Variants in ZKSCAN1 observed in about 807,000 individuals in gnomAD.
ZKSCAN1 encodes zinc finger protein with KRAB and SCAN domains 1.
ZKSCAN1 carries 14 observed loss-of-function variants against 51.6 expected under a neutral mutation model. The observed-to-expected ratio is 0.27, with a 90% CI of 0.18 to 0.42. The LOEUF (loss-of-function observed/expected upper bound fraction) is 0.42, where lower values mean the gene tolerates loss of function less well. Among genes scored for constraint, ZKSCAN1 ranks in the 10% least tolerant of loss-of-function variants. The pLI is 1.00. For synonymous variants in ZKSCAN1, 263 were observed against 261.5 expected (o/e 1.01, Z -0.06); for missense variants, 531 against 710.0 (o/e 0.75, Z 2.86).
At chr7:100,024,500 G>A in intron 3 of ZKSCAN1, 193 bp downstream of exon 3, 1 of 689,372 alleles carries the variant, frequency 1.5e-6, no homozygotes, top group Non-Finnish European at 2.3e-6. Context: ...AGGCTGAGGT[G>A]GGAGGATTGC....
At chr7:100,023,179 T>A (rs1790661431) in intron 1 of ZKSCAN1, among the ~76,000 whole-genome samples, 1 of 152,102 alleles carries the variant, frequency 6.6e-6, no homozygotes, top group Non-Finnish European at 1.5e-5. Context: ...CCCTGCTGAC[T>A]TTTGTATTTT....
rs3835018 is a variant in ZKSCAN1 at position 100,024,897 on chromosome 7, TAAAAAAAAAAAA to T, written c.580+601_580+612del. ...CCTTGGTGACAGAGCGAGACTGTCT[TAAAAAAAAAAAA>T]AAAAAAAAAAGAATTAATTAAAAAT... On this transcript the variant is annotated intron_variant, in intron 3 of 5. Transcript: ENST00000324306. The T allele has an allele frequency of 3.5e-3, 359 of 103,740 alleles. 2 individuals are homozygous for T. Among genetic ancestry groups the T allele is most frequent in the African/African-American group, 0.013 (347 of 27,534 alleles). 6.4% of individuals were successfully genotyped at this position (103,740 alleles called of 1,614,324 possible).
At position 100,036,750 on chromosome 7, in the gene ZKSCAN1, T is replaced by C. The variant is rs939632949; in HGVS notation, c.*2553T>C. The C allele has an allele frequency of 2.7e-5, 27 of 981,836 alleles. No homozygotes were observed. Among genetic ancestry groups the C allele is most frequent in the Non-Finnish European group, 3.3e-5 (27 of 829,120 alleles). 60.8% of individuals were successfully genotyped at this position (981,836 alleles called of 1,614,324 possible). A position where few individuals can be genotyped will look rare whatever the true frequency, so the allele number is the denominator to read the frequency against. ...AAAAAGAAAGAAAGAAACTGAAAAG[T>C]GAGGTGTGGAACTCCAGGCAACGAC... On this transcript the variant is annotated 3_prime_UTR_variant, in exon 6 of 6. Transcript: ENST00000324306.
At chr7:100,027,726 C>T (rs1313273404) in intron 3 of ZKSCAN1, among the ~76,000 whole-genome samples, 1 of 133,518 alleles carries the variant, frequency 7.5e-6, no homozygotes, top group Non-Finnish European at 1.6e-5. Flanking sequence ...CCAGCCTGGG[C>T]AACAGAGGGA....
chr7:100,041,285 C>G lies in ZKSCAN1; in HGVS notation c.*7088C>G. On this transcript the variant is annotated 3_prime_UTR_variant, in exon 6 of 6. Transcript: ENST00000324306. ...TGGATTTTTTCATTTTACTAGGTTC[C>G]GAAGAGTCCAGATGCTTGGTAGATG... 1 of 982,932 alleles carries G rather than the reference C, an allele frequency of 1.0e-6. No individual in the cohort carries two copies. Among genetic ancestry groups the G allele is most frequent in the Non-Finnish European group, 1.2e-6 (1 of 827,846 alleles). The allele number at this position is 982,932 out of a possible 1,614,324, so 60.9% of individuals were successfully genotyped here.
Position 100,036,787 on chromosome 7 carries a change from T to A in ZKSCAN1, c.*2590T>A, listed in dbSNP as rs1458344795. On this transcript the variant is annotated 3_prime_UTR_variant, in exon 6 of 6. Transcript: ENST00000324306. Reference sequence around the variant, plus strand: ...CTCCAGGCAACGACCCAAGCACTTATTTTTTAAGAGGGAAAGGACTTTGGT... The same window carrying A: ...CTCCAGGCAACGACCCAAGCACTTAATTTTTAAGAGGGAAAGGACTTTGGT... The A allele has an allele frequency of 1.0e-6, 1 of 983,780 alleles. No homozygotes were observed. The highest frequency in any genetic ancestry group is 1.8e-5 in the African/African-American group (1 of 56,938). 60.9% of individuals were successfully genotyped at this position (983,780 alleles called of 1,614,324 possible). A position where few individuals can be genotyped will look rare whatever the true frequency, so the allele number is the denominator to read the frequency against.
At chr7:100,043,099 CT>C (rs1198891451), downstream of ZKSCAN1, among the ~76,000 whole-genome samples, 2 of 151,800 alleles carry the variant, frequency 1.3e-5, no homozygotes, top group East Asian at 3.9e-4. Context: ...CGCACCTGGC[CT>C]TTTTTGGGTA....
intron 3 of ZKSCAN1, 79 bp downstream of exon 3, chr7:100,024,386 A>G (rs185674941): frequency 1.9e-6 from 3 of 1,539,336 alleles, no homozygotes; most frequent in South Asian, 2.4e-5. Flanking sequence ...CCTGTGATGA[A>G]GAAGCATGTT....
intron 3 of ZKSCAN1, among the ~76,000 whole-genome samples, chr7:100,026,036 C>T (rs1307567770): frequency 2.6e-5 from 4 of 152,018 alleles, no homozygotes; most frequent in Admixed American, 1.3e-4. Context: ...GCCTGACCAA[C>T]GTGGAGAAAC....
chr7:100,019,890 A>G (rs1378886999), intron 1 of ZKSCAN1, among the ~76,000 whole-genome samples: 3 of 151,958 alleles, frequency 2.0e-5, no homozygotes, highest in Non-Finnish European at 2.9e-5. Flanking sequence ...TTTAGTAGAG[A>G]TGGGGTTTTG....
chr7:100,036,274 C>T lies in ZKSCAN1; in HGVS notation c.*2077C>T. On this transcript the variant is annotated 3_prime_UTR_variant, in exon 6 of 6. Transcript: ENST00000324306. ...CACTAGGATATTTCTACCCATGCAA[C>T]GGAAGAAAAACCCATTACTCCAGAA... The T allele has an allele frequency of 2.6e-5, 26 of 985,302 alleles. No individual in the cohort carries two copies. The highest frequency in any genetic ancestry group is 3.1e-5 in the Non-Finnish European group (26 of 829,924). 61.0% of individuals were successfully genotyped at this position (985,302 alleles called of 1,614,324 possible). A position where few individuals can be genotyped will look rare whatever the true frequency, so the allele number is the denominator to read the frequency against.
rs1212828954 is a variant in ZKSCAN1 at position 100,033,111 on chromosome 7, G to C, written c.800-194G>C. ...CACTTGAACCTGGGAGGCGGAGGTT[G>C]CAGTGAACTGAGATCACGTCACTGC... On this transcript the variant is annotated intron_variant, in intron 5 of 5. Transcript: ENST00000324306. The surrounding 1 kb of genome is among the most constrained non-coding windows in gnomAD (Gnocchi z 4.1). Among the ~76,000 whole-genome samples, 2 of 152,160 alleles carry C rather than the reference G, an allele frequency of 1.3e-5. No individual in the cohort carries two copies. The highest frequency in any genetic ancestry group is 2.9e-5 in the Non-Finnish European group (2 of 68,024).
chr7:100,032,019 C>T (rs930957714), intron 5 of ZKSCAN1, among the ~76,000 whole-genome samples: 1 of 152,188 alleles, frequency 6.6e-6, no homozygotes, highest in African/African-American at 2.4e-5. Context: ...ATCGAGGCTG[C>T]AGTGAGCTGT....
At chr7:100,042,219 T>C (rs1301663432), downstream of ZKSCAN1, among the ~76,000 whole-genome samples, 3 of 150,526 alleles carry the variant, frequency 2.0e-5, no homozygotes, top group Non-Finnish European at 2.9e-5. Context: ...CTCGGGAGGC[T>C]GAGCCAGGAG....
At chr7:100,032,295 G>A (rs1353672162) in intron 5 of ZKSCAN1, among the ~76,000 whole-genome samples, 1 of 152,088 alleles carries the variant, frequency 6.6e-6, no homozygotes, top group East Asian at 1.9e-4. Flanking sequence ...TAATTATCAG[G>A]TGATCCAGTA....
At chr7:100,025,339 T>C (rs1173687311) in intron 3 of ZKSCAN1, among the ~76,000 whole-genome samples, 2 of 136,674 alleles carry the variant, frequency 1.5e-5, no homozygotes, top group East Asian at 2.3e-4. Flanking sequence ...AAAAAAACTA[T>C]AGCATCAGTC....
At chr7:100,028,794 CAAAA>C (rs56779174) in intron 3 of ZKSCAN1, among the ~76,000 whole-genome samples, 2 of 83,088 alleles carry the variant, frequency 2.4e-5, no homozygotes, top group South Asian at 4.1e-4. Flanking sequence ...TACATCTTAT[CAAAA>C]AAAAAAAAAA....
rs1464930523 is a variant in ZKSCAN1 at position 100,035,621 on chromosome 7, G to A, written c.*1424G>A. 1.3e-5 allele frequency: 2 copies of A among 157,208 alleles called. No homozygotes were observed. The highest frequency in any genetic ancestry group is 4.8e-5 in the African/African-American group (2 of 41,522). 9.7% of individuals were successfully genotyped at this position (157,208 alleles called of 1,614,324 possible). On this transcript the variant is annotated 3_prime_UTR_variant, in exon 6 of 6. Transcript: ENST00000324306. ...ACGCTTTTCCAGTAACTTTGCAAAAGCATTAATTGTTCACTGGCAATTACT... is the reference window on the plus strand; with the variant it reads ...ACGCTTTTCCAGTAACTTTGCAAAAACATTAATTGTTCACTGGCAATTACT...
chr7:100,026,690 A>G (rs1307946592), intron 3 of ZKSCAN1, among the ~76,000 whole-genome samples: 2 of 151,942 alleles, frequency 1.3e-5, no homozygotes, highest in African/African-American at 4.8e-5. Context: ...GCACCACTGC[A>G]CTCCAGCCTG....
Sources: gnomAD v4.1 joint callset for allele counts (sites outside exome capture counted in the v4.1 genomes callset) on GRCh38, gnomAD v4.1.1 for gene constraint, Gnocchi (gnomAD v3.1) non-coding constraint, MANE v1.5 for transcripts, NCBI Gene and HGNC (gene_info 2026-07-23, HGNC 2026-07-21) for gene names.